GPI: variants seen among roughly 807,000 people sequenced by gnomAD.
GPI encodes the protein D-hexose-6-phosphate anomerase.
A neutral mutation model predicts 75.8 loss-of-function variants in GPI; 56 were observed. The observed-to-expected ratio is 0.74, with a 90% CI of 0.60 to 0.92. The LOEUF is 0.92. Ranked by LOEUF, GPI falls within the 40% of genes least tolerant of loss-of-function variation. The probability of loss-of-function intolerance (pLI) is 0.00; values close to 1 mark genes in which losing one functional copy is unlikely to be tolerated. For missense variants in GPI, 638 were observed against 741.0 expected, an observed-to-expected ratio of 0.86 and a Z score of 1.61; for synonymous variants, 288 against 285.4, an observed-to-expected ratio of 1.01 and a Z score of -0.09.
intron 4 of GPI, among the ~76,000 whole-genome samples, chr19:34,372,131 A>C (rs1306109577): frequency 1.3e-5 from 2 of 151,624 alleles, no homozygotes; most frequent in African/African-American, 4.8e-5. Flanking sequence ...AGGTTTCACC[A>C]TGTTGGTCAG....
intron 4 of GPI, among the ~76,000 whole-genome samples, chr19:34,371,127 G>A (rs184389067): frequency 8.5e-5 from 13 of 152,390 alleles, no homozygotes; most frequent in Admixed American, 6.5e-4. Context: ...GCACTGCACC[G>A]TCTGGGGTGC....
Position 34,377,581 on chromosome 19 carries a change from G to C in GPI, c.481G>C (p.Asp161His). The C allele has an allele frequency of 1.2e-6, 2 of 1,612,248 alleles. No individual in the cohort carries two copies. The highest frequency in any genetic ancestry group is 1.7e-6 in the Non-Finnish European group (2 of 1,178,596). ...DVINIGIGGSDLGPLMVTEAL... is the reference protein window; with the variant it reads ...DVINIGIGGSHLGPLMVTEAL... ...CATCAACATTGGCATTGGCGGCTCC[G>C]ACCTGGTGAGGAGAAAACTGCCTTG... The change falls in exon 5 of 18, where the codon GAC becomes CAC. Residue 161 changes from aspartate (D) to histidine (H), a missense_variant. Transcript: ENST00000356487.
At chr19:34,369,762 TTG>T (rs1267259096) in intron 4 of GPI, among the ~76,000 whole-genome samples, 2 of 151,250 alleles carry the variant, frequency 1.3e-5, no homozygotes, top group Non-Finnish European at 2.9e-5. Context: ...GAAGCAGCCT[TTG>T]TAAAGTTTCC....
chr19:34,398,881 T>G (rs1395869133), intron 14 of GPI: 1 of 211,920 alleles, frequency 4.7e-6, no homozygotes, highest in East Asian at 1.1e-4. Context: ...TTTTTTTTGG[T>G]ATTTTTAGTA....
At chr19:34,386,956 G>A (rs2074744663) in intron 9 of GPI, among the ~76,000 whole-genome samples, 1 of 152,164 alleles carries the variant, frequency 6.6e-6, no homozygotes, top group Admixed American at 6.5e-5. Context: ...TGGTGCTGAC[G>A]TTAAGCAGAG....
chr19:34,373,757 A>C (rs1027695098), intron 4 of GPI, among the ~76,000 whole-genome samples: 4 of 152,062 alleles, frequency 2.6e-5, no homozygotes, highest in Admixed American at 2.6e-4. Flanking sequence ...ATGTTGGCTA[A>C]GGATGTGGTC....
Position 34,396,377 on chromosome 19 carries a change from G to A in GPI, c.1139G>A (p.Trp380Ter), listed in dbSNP as rs201411926. 3 of 1,614,104 alleles carry A rather than the reference G, an allele frequency of 1.9e-6. No homozygotes were observed. The highest frequency in any genetic ancestry group is 1.3e-5 in the African/African-American group (1 of 75,056). The change falls in exon 13 of 18, where the codon TGG becomes TAG. Residue 380 changes from tryptophan (W) to a stop codon, truncating the protein, a stop_gained. Coordinates refer to ENST00000356487, the MANE Select transcript of GPI (RefSeq NM_000175.5). LOFTEE classifies it high-confidence loss of function. ...RVDHQTGPIV[W>*]GEPGTNGQHA... ...GACCACCAGACAGGCCCCATTGTGT[G>A]GGGGGAGCCAGGGACCAATGGCCAG...
intron 4 of GPI, among the ~76,000 whole-genome samples, chr19:34,375,380 C>G (rs1383718939): frequency 6.6e-6 from 1 of 152,066 alleles, no homozygotes; most frequent in Non-Finnish European, 1.5e-5. Context: ...GAACTCCTGA[C>G]CTTGTGATCT....
At chr19:34,380,426 C>T (rs1331307530) in intron 8 of GPI, among the ~76,000 whole-genome samples, 7 of 152,018 alleles carry the variant, frequency 4.6e-5, no homozygotes, top group Admixed American at 2.0e-4. Flanking sequence ...GGATTACAGG[C>T]GCCCACTACC....
chr19:34,391,863 C>T (rs80280830), intron 9 of GPI, among the ~76,000 whole-genome samples: 1 of 1,464 alleles, frequency 6.8e-4, no homozygotes, highest in Non-Finnish European at 1.5e-3. Flanking sequence ...CTGGCATAAG[C>T]ATGAGGATCT....
At chr19:34,361,391 C>CACATTTCTTAACCTCTCTGTTTCACATT (rs1221868351), upstream of GPI, among the ~76,000 whole-genome samples, 11 of 152,266 alleles carry the variant, frequency 7.2e-5, no homozygotes, top group African/African-American at 2.4e-4. Flanking sequence ...CGTGCCCGGC[C>CACATTTCTTAACCTCTCTGTTTCACATT]TCATTTCACA....
chr19:34,364,899 G>GCAGCAGCGCGAT (rs1161649972), upstream of GPI: 68 of 1,380,550 alleles, frequency 4.9e-5, no homozygotes, highest in Non-Finnish European at 6.1e-5. Context: ...CACAGGGAGT[G>GCAGCAGCGCGAT]CAGCGGCGCG....
upstream of GPI, chr19:34,365,165 C>G: frequency 8.0e-7 from 1 of 1,250,176 alleles, no homozygotes; most frequent in Non-Finnish European, 1.0e-6. Context: ...GGCGCCTGCG[C>G]CATAAAGGCC....
intron 3 of GPI, among the ~76,000 whole-genome samples, chr19:34,367,743 G>A (rs917333720): frequency 6.6e-6 from 1 of 152,160 alleles, no homozygotes; most frequent in African/African-American, 2.4e-5. Flanking sequence ...AGTCTGGTTT[G>A]GTTCCTGGCA....
chr19:34,377,587 G>A lies in GPI; in HGVS notation c.486+1G>A. The A allele has an allele frequency of 6.2e-7, 1 of 1,611,944 alleles. No homozygotes were observed. Among genetic ancestry groups the A allele is most frequent in the Non-Finnish European group, 8.5e-7 (1 of 1,178,310 alleles). On this transcript the variant is annotated splice_donor_variant, in intron 5 of 17. Transcript: ENST00000356487. LOFTEE classifies it high-confidence loss of function. ...CATTGGCATTGGCGGCTCCGACCTG[G>A]TGAGGAGAAAACTGCCTTGGGGTAG...
chr19:34,388,608 TC>T (rs1172880178), intron 9 of GPI, among the ~76,000 whole-genome samples: 1 of 152,184 alleles, frequency 6.6e-6, no homozygotes, highest in African/African-American at 2.4e-5. Flanking sequence ...ATGTATGGTC[TC>T]AGAGGCCACT....
chr19:34,372,823 G>A (rs1449388035), intron 4 of GPI, among the ~76,000 whole-genome samples: 1 of 151,982 alleles, frequency 6.6e-6, no homozygotes, highest in African/African-American at 2.4e-5. Context: ...ACCCAGGCTG[G>A]AGTGCAATGG....
upstream of GPI, among the ~76,000 whole-genome samples, chr19:34,362,113 C>CAA (rs71165651): frequency 2.3e-4 from 18 of 79,602 alleles, no homozygotes; most frequent in Middle Eastern, 7.5e-3. Flanking sequence ...GACTCCATCT[C>CAA]AAAAAAAAAA....
intron 4 of GPI, among the ~76,000 whole-genome samples, chr19:34,376,319 G>A (rs1405100157): frequency 1.3e-5 from 2 of 152,188 alleles, no homozygotes; most frequent in East Asian, 1.9e-4. Flanking sequence ...GCTTTGGGAG[G>A]CCGAGGCAGG....
Sources: allele counts gnomAD v4.1 joint callset (sites outside exome capture counted in the v4.1 genomes callset), GRCh38; gene constraint gnomAD v4.1.1; transcripts MANE v1.5; gene names NCBI Gene and HGNC (gene_info 2026-07-23, HGNC 2026-07-21).